Variants in CSTB observed in about 807,000 individuals in gnomAD.
CSTB encodes cystatin-B.
CSTB carries 8 observed loss-of-function variants against 7.6 expected under a neutral mutation model. That is an observed-to-expected ratio of 1.05 (90% confidence interval 0.62 to 1.89). The LOEUF (loss-of-function observed/expected upper bound fraction) is 1.89. CSTB is among the 40% of genes most tolerant of loss of function. The pLI, the probability that CSTB is intolerant of heterozygous loss-of-function variation, is 0.00. For missense variants in CSTB, 124 were observed against 126.4 expected (o/e 0.98, Z 0.09); for synonymous variants, 56 against 55.3 (o/e 1.01, Z -0.06).
In CSTB at chr21:43,774,727, C is replaced by G. The variant is rs2084002133; in HGVS notation, c.99G>C (p.Lys33Asn). ...VRSQLEEKEN[K>N]KFPVFKAVSF... is the part of the protein sequence containing the mutation. ...ACACGGCCTTAAACACAGGGAACTTCTTGTTTTCTTTCTCTTCAAGCTGGG... is the reference window on the plus strand; with the variant it reads ...ACACGGCCTTAAACACAGGGAACTTGTTGTTTTCTTTCTCTTCAAGCTGGG... The change falls in exon 2 of 3, where the codon AAG becomes AAC. Residue 33 changes from lysine (K) to asparagine (N), a missense_variant. Coordinates refer to ENST00000291568, the MANE Select transcript of CSTB (RefSeq NM_000100.4). 8 of 1,614,026 alleles carry G rather than the reference C, an allele frequency of 5.0e-6. No individual in the cohort carries two copies. In the South Asian group the frequency reaches 8.8e-5, roughly 18 times the overall value.
intron 1 of CSTB, 97 bp downstream of exon 1, chr21:43,776,107 G>T (rs1035002693): frequency 4.9e-5 from 57 of 1,169,648 alleles, no homozygotes; most frequent in Non-Finnish European, 6.5e-5. Flanking sequence ...GGGGTGCGCA[G>T]CGGGGCCAAA....
Position 43,774,322 on chromosome 21 carries a change from G to A in CSTB, c.177C>T (p.Val59=), listed in dbSNP as rs765477010. 17 of 1,614,036 alleles carry A rather than the reference G, an allele frequency of 1.1e-5. No individual in the cohort carries two copies. The South Asian group carries it at 1.1e-4, about 10-fold the overall frequency. Residue 59 remains valine, a synonymous_variant, in exon 3 of 3, where the codon GTC becomes GTT. Transcript: ENST00000291568. ...AGTNYFIKVH[V]GDEDFVHLRV... is the part of the protein sequence containing the mutation. ...GCAGGTGTACGAAGTCCTCGTCGCC[G>A]ACGTGCACCTGGGAAGAGAGCGGAG...
intron 1 of CSTB, 161 bp downstream of exon 1, chr21:43,776,043 G>T: frequency 1.7e-6 from 1 of 580,796 alleles, no homozygotes; most frequent in Non-Finnish European, 2.8e-6. Flanking sequence ...GCTCACTCGC[G>T]CGCAGCGCCC....
intron 1 of CSTB, chr21:43,775,995 A>G (rs571694528): frequency 1.7e-5 from 8 of 478,236 alleles, no homozygotes; most frequent in South Asian, 3.4e-5. Context: ...GCGGAGCCCA[A>G]TGTCTCCCCA....
At chr21:43,775,137 C>G in intron 1 of CSTB, 1 of 340,636 alleles carries the variant, frequency 2.9e-6, no homozygotes, top group Non-Finnish European at 5.7e-6. Flanking sequence ...GCAGGAGAAT[C>G]CCTTGAACCT....
Position 43,775,934 on chromosome 21 carries a change from G to A in CSTB, c.66+270C>T, listed in dbSNP as rs2084007706. The A allele has an allele frequency of 3.3e-5, 14 of 421,908 alleles. No homozygotes were observed. The East Asian group carries it at 5.7e-4, about 17-fold the overall frequency. 26.1% of individuals were successfully genotyped at this position (421,908 alleles called of 1,614,324 possible). ...TCCTCTCAGAGACTGTCCATGCAGG[G>A]ACCGCACCCTGCTCCGGGCTATCAA... On this transcript the variant is annotated intron_variant, in intron 1 of 2. Transcript: ENST00000291568.
intron 1 of CSTB, chr21:43,775,860 C>A: frequency 3.9e-6 from 1 of 256,320 alleles, no homozygotes; most frequent in Non-Finnish European, 7.4e-6. Context: ...GCCGGCGACG[C>A]CCGATCACCC....
intron 1 of CSTB, 59 bp downstream of exon 1, chr21:43,776,145 G>GCCGCGC (rs2084008969): frequency 2.8e-6 from 4 of 1,452,338 alleles, no homozygotes; most frequent in African/African-American, 1.5e-5. Context: ...AGGAGCCGCG[G>GCCGCGC]CCGCGCCCTG....
At chr21:43,774,484 C>G in intron 2 of CSTB, 154 bp from the exon 3 acceptor site, 2 of 1,285,014 alleles carry the variant, frequency 1.6e-6, no homozygotes, top group Non-Finnish European at 2.2e-6. Context: ...GGGTTCTTAG[C>G]TCCCCAGAAG....
Position 43,774,144 on chromosome 21 carries a change from G to A in CSTB, c.*58C>T. On this transcript the variant is annotated 3_prime_UTR_variant, in exon 3 of 3. Coordinates refer to ENST00000291568, the MANE Select transcript of CSTB (RefSeq NM_000100.4). ...TTTAGGATCACAAGTGCACGCTCTG[G>A]TAGACGGAGGATGACTTTGTCAGTC... 1.9e-6 allele frequency: 3 copies of A among 1,612,264 alleles called. No homozygotes were observed. Among genetic ancestry groups the A allele is most frequent in the Non-Finnish European group, 2.5e-6 (3 of 1,178,396 alleles).
In CSTB at chr21:43,774,157, G is replaced by T. The variant is rs1803345; in HGVS notation, c.*45C>A. The T allele has an allele frequency of 1.2e-6, 2 of 1,613,752 alleles. No individual in the cohort carries two copies. Among genetic ancestry groups the T allele is most frequent in the South Asian group, 2.2e-5 (2 of 91,004 alleles). On this transcript the variant is annotated 3_prime_UTR_variant, in exon 3 of 3. Transcript: ENST00000291568. ...GTGCACGCTCTGGTAGACGGAGGAT[G>T]ACTTTGTCAGTCTTCTGGCTGAAGG...
chr21:43,774,515 C>A lies in CSTB; in HGVS notation c.168+143G>T, dbSNP rs1256552200. On this transcript the variant is annotated intron_variant, in intron 2 of 2. Transcript: ENST00000291568. ...AGAAGCCCTAGTCCTCCTGAAAGGC[C>A]GATGGACACACACAGTAGGATGCTT... The A allele has an allele frequency of 4.4e-6, 5 of 1,134,886 alleles. No homozygotes were observed. In the Admixed American group the frequency reaches 5.5e-5, roughly 13 times the overall value. The allele number at this position is 1,134,886 out of a possible 1,614,324, so 70.3% of individuals were successfully genotyped here. A position where few individuals can be genotyped will look rare whatever the true frequency, so the allele number is the denominator to read the frequency against.
rs1433080469 is a variant in CSTB, at chr21:43,776,252, G to A, written c.18C>T (p.Pro6=). Residue 6 remains proline (P), a synonymous_variant, in exon 1 of 3, where the codon CCC becomes CCT. Transcript: ENST00000291568. ...CGGCGGTGGCCGGCTGCGTGGCGGA[G>A]GGCGCCCCGCACATCATCTTGGCGG... MMCGA[P]SATQPATAET... The A allele has an allele frequency of 6.5e-7, 1 of 1,528,728 alleles. No individual in the cohort carries two copies. The highest frequency in any genetic ancestry group is 2.5e-5 in the East Asian group (1 of 39,590). The allele number at this position is 1,528,728 out of a possible 1,614,324, so 94.7% of individuals were successfully genotyped here. A position where few individuals can be genotyped will look rare whatever the true frequency, so the allele number is the denominator to read the frequency against.
At chr21:43,775,453 C>T (rs1224775928) in intron 1 of CSTB, 1 of 154,008 alleles carries the variant, frequency 6.5e-6, no homozygotes. Flanking sequence ...GGAAGGTTGC[C>T]ATCTGCAACC....
chr21:43,775,129 A>G (rs2084004036), intron 1 of CSTB: 3 of 349,182 alleles, frequency 8.6e-6, no homozygotes, highest in Non-Finnish European at 1.7e-5. Flanking sequence ...AGGCTAAGGC[A>G]GGAGAATCCC....
Position 43,776,203 on chromosome 21 carries a change from C to G in CSTB, c.66+1G>C. ...CGGCCCCGTCCCCGCGGCCCACCCA[C>G]CTGGTCGGCGATGTGCTGGGTCTCG... On this transcript the variant is annotated splice_donor_variant, in intron 1 of 2. Transcript: ENST00000291568. LOFTEE classifies it high-confidence loss of function. 1 of 1,531,462 alleles carries G rather than the reference C, an allele frequency of 6.5e-7. No homozygotes were observed. Among genetic ancestry groups the G allele is most frequent in the Non-Finnish European group, 8.7e-7 (1 of 1,143,002 alleles). The allele number at this position is 1,531,462 out of a possible 1,614,324, so 94.9% of individuals were successfully genotyped here. A position where few individuals can be genotyped will look rare whatever the true frequency, so the allele number is the denominator to read the frequency against.
chr21:43,774,449 C>T, intron 2 of CSTB, 119 bp from the exon 3 acceptor site: 5 of 1,484,442 alleles, frequency 3.4e-6, no homozygotes, highest in Non-Finnish European at 3.7e-6. Context: ...CAGGGGATGC[C>T]TCACATCCCA....
At chr21:43,776,089 C>T in intron 1 of CSTB, 115 bp downstream of exon 1, 1 of 993,206 alleles carries the variant, frequency 1.0e-6, no homozygotes. Context: ...ACAGCCCGGG[C>T]CAGCCCAGGG....
rs138337167 is a variant in CSTB at position 43,774,230 on chromosome 21, G to C, written c.269C>G (p.Ala90Gly). 1.8e-5 allele frequency: 29 copies of C among 1,614,126 alleles called. No homozygotes were observed. The highest frequency in any genetic ancestry group is 2.7e-5 in the African/African-American group (2 of 74,942). Residue 90 changes from alanine (A) to glycine (G), a missense_variant, in exon 3 of 3, where the codon GCC (alanine) becomes GGC (glycine). By Grantham distance (60) the Ala-to-Gly change is moderately conservative. Transcript: ENST00000291568. ...LTLSNYQTNK[A>G]KHDELTYF ...GAAATAGGTCAGCTCATCATGCTTG[G>C]CTTTGTTGGTCTGGTAGTTAGATAA...
Sources: gnomAD v4.1 joint callset for allele counts on GRCh38, gnomAD v4.1.1 for gene constraint, MANE v1.5 for transcripts, NCBI Gene and HGNC (gene_info 2026-07-23, HGNC 2026-07-21) for gene names.